Variants in ZNF333 observed in about 807,000 individuals in gnomAD.
ZNF333 encodes zinc finger protein 333.
A neutral mutation model predicts 76.1 loss-of-function variants in ZNF333; 61 were observed. The ratio of observed to expected loss-of-function variants is 0.80; its 90% CI spans 0.65 to 0.99. The LOEUF (loss-of-function observed/expected upper bound fraction) is 0.99, where lower values mean the gene tolerates loss of function less well. Ranked by LOEUF, ZNF333 falls within the 50% of genes least tolerant of loss-of-function variation. The probability of loss-of-function intolerance (pLI) is 0.00; values close to 1 mark genes in which losing one functional copy is unlikely to be tolerated. For synonymous variants in ZNF333, 284 were observed against 305.0 expected (o/e 0.93, Z 0.72); for missense variants, 717 against 822.4 (o/e 0.87, Z 1.57).
At chr19:14,716,935 C>T in intron 9 of ZNF333, 59 bp from the exon 10 acceptor site, 2 of 1,487,642 alleles carry the variant, frequency 1.3e-6, no homozygotes, top group South Asian at 1.2e-5. Context: ...AGAATATCGG[C>T]CCTGGTGTCA....
In ZNF333 at chr19:14,711,764, G is replaced by T. The variant is rs566557778; in HGVS notation, c.512-3618G>T. The stretch of plus-strand genomic sequence containing the variant: ...ATGGAGCATTTTTGTGCCAAGTAAG[G>T]TATCGGGGACAGGATGGTGAAAGGC... On this transcript the variant is annotated intron_variant, in intron 7 of 11. Coordinates refer to ENST00000292530, the MANE Select transcript of ZNF333 (RefSeq NM_032433.4). 2.0e-5 allele frequency among the ~76,000 whole-genome samples: 3 copies of T among 152,272 alleles called. No individual in the cohort carries two copies. In the East Asian group the frequency reaches 5.8e-4, roughly 29 times the overall value.
At chr19:14,690,932 A>G (rs1290751885) in intron 1 of ZNF333, among the ~76,000 whole-genome samples, 1 of 152,134 alleles carries the variant, frequency 6.6e-6, no homozygotes, top group East Asian at 1.9e-4. Context: ...GTCTTTACTA[A>G]AAATACACAA....
At chr19:14,726,892 A>G (rs1372650586), downstream of ZNF333, among the ~76,000 whole-genome samples, 2 of 152,130 alleles carry the variant, frequency 1.3e-5, no homozygotes, top group Non-Finnish European at 2.9e-5. Context: ...TGAGCCCTCC[A>G]AACTCTTCCA....
intron 4 of ZNF333, among the ~76,000 whole-genome samples, chr19:14,698,863 A>G (rs28678246): frequency 7.6e-6 from 1 of 131,580 alleles, no homozygotes; most frequent in Non-Finnish European, 1.6e-5. Context: ...AACAAAAAAC[A>G]AAAAACATGT....
intron 2 of ZNF333, among the ~76,000 whole-genome samples, chr19:14,694,315 A>G (rs979020953): frequency 1.3e-5 from 2 of 152,074 alleles, no homozygotes; most frequent in Non-Finnish European, 2.9e-5. Context: ...TCTACTAAAA[A>G]TACAAAAAGT....
intron 7 of ZNF333, among the ~76,000 whole-genome samples, chr19:14,713,936 G>A (rs2042349467): frequency 1.3e-5 from 2 of 152,034 alleles, no homozygotes; most frequent in South Asian, 4.2e-4. Context: ...ACTCCAGCCT[G>A]GGTGACAGAG....
In ZNF333 at chr19:14,694,998, G is replaced by C; in HGVS notation, c.4-12G>C. 2 of 1,614,170 alleles carry C rather than the reference G, an allele frequency of 1.2e-6. No homozygotes were observed. Among genetic ancestry groups the C allele is most frequent in the East Asian group, 2.2e-5 (1 of 44,890 alleles). ...TGGTATTTGCCGAGCCAGAATGTGT[G>C]TGCTGTTTTAGGAATCCGTCACCTT... is the stretch of plus-strand genomic sequence containing the variant. On this transcript the variant is annotated splice_polypyrimidine_tract_variant and intron_variant, in intron 2 of 11. Transcript: ENST00000292530.
intron 5 of ZNF333, among the ~76,000 whole-genome samples, chr19:14,702,976 G>A (rs55758955): frequency 0.08 from 12,169 of 151,592 alleles, 723 homozygotes; most frequent in African/African-American, 0.17. Flanking sequence ...AGGCCGAGGC[G>A]GGCGGATCAT....
At chr19:14,705,289 GC>G in intron 6 of ZNF333, 119 bp downstream of exon 6, 1 of 843,932 alleles carries the variant, frequency 1.2e-6, no homozygotes, top group Non-Finnish European at 1.8e-6. Flanking sequence ...CCTGTAGGAG[GC>G]CCAGGCTGTG....
downstream of ZNF333, among the ~76,000 whole-genome samples, chr19:14,724,031 T>C (rs550432882): frequency 1.3e-5 from 2 of 152,284 alleles, no homozygotes; most frequent in African/African-American, 4.8e-5. Context: ...TGCTATGCTC[T>C]TGCCTATCTC....
At chr19:14,708,883 T>A (rs1176906513) in intron 7 of ZNF333, 1 of 152,396 alleles carries the variant, frequency 6.6e-6, no homozygotes, top group Non-Finnish European at 1.5e-5. Context: ...TCATCTTCCC[T>A]CTGTCCATGT....
Position 14,715,393 on chromosome 19 carries a change from C to T in ZNF333, c.523C>T (p.Arg175Cys), listed in dbSNP as rs181915644. 1.4e-4 allele frequency: 231 copies of T among 1,613,952 alleles called. 1 individual carries two copies. In the East Asian group the frequency reaches 3.6e-3, roughly 25 times the overall value. The change falls in exon 8 of 12, where the codon CGT becomes TGT. Residue 175 changes from arginine to cysteine, a missense_variant. Physicochemically the swap from Arg to Cys is radical, Grantham distance 180. Coordinates refer to ENST00000292530, the MANE Select transcript of ZNF333 (RefSeq NM_032433.4). ...CCCTTCTCCCCTAGCTGTGCCTGCA[C>T]GTGACCCTGCCTGGCTTCAGGAGGA... Reference protein sequence around the residue: ...WVARDSAVPARDPAWLQEDKV... With the variant: ...WVARDSAVPACDPAWLQEDKV...
intron 10 of ZNF333, 144 bp downstream of exon 10, chr19:14,717,233 T>G: frequency 1.6e-6 from 1 of 616,320 alleles, no homozygotes; most frequent in Non-Finnish European, 2.8e-6. Context: ...TGCCACCTTC[T>G]TTCCTTTTTC....
chr19:14,703,806 C>A (rs1012492612), intron 5 of ZNF333, among the ~76,000 whole-genome samples: 1 of 152,114 alleles, frequency 6.6e-6, no homozygotes, highest in African/African-American at 2.4e-5. Flanking sequence ...AGATAAGGAG[C>A]TGGTACGGCA....
chr19:14,716,387 T>C, intron 9 of ZNF333, 149 bp downstream of exon 9: 4 of 863,770 alleles, frequency 4.6e-6, no homozygotes, highest in Non-Finnish European at 6.9e-6. Flanking sequence ...GCCTCCCGAG[T>C]AGCTGGGACC....
intron 6 of ZNF333, chr19:14,706,287 C>G (rs1344820765): frequency 2.5e-6 from 1 of 399,914 alleles, no homozygotes; most frequent in Non-Finnish European, 5.0e-6. Context: ...CATCCTACTC[C>G]AAGGAGAGGT....
At chr19:14,722,042 G>A (rs1456102920), downstream of ZNF333, 11 of 152,190 alleles carry the variant, frequency 7.2e-5, no homozygotes, top group Admixed American at 6.5e-4. Flanking sequence ...ACCTCAATTT[G>A]TACATCAATG....
chr19:14,694,988 C>T, intron 2 of ZNF333, 22 bp from the exon 3 acceptor site: 4 of 1,613,994 alleles, frequency 2.5e-6, no homozygotes, highest in Non-Finnish European at 3.4e-6. Context: ...TTTGCCGAGC[C>T]AGAATGTGTG....
At chr19:14,692,824 C>CTTTTTTTTTTTTTTTTTTTTTTT (rs112233179) in intron 1 of ZNF333, among the ~76,000 whole-genome samples, 1 of 144,078 alleles carries the variant, frequency 6.9e-6, no homozygotes. Context: ...GGACCTTATT[C>CTTTTTTTTTTTTTTTTTTTTTTT]TTTTTTTTTT....
Sources: gnomAD v4.1 joint callset for allele counts (sites outside exome capture counted in the v4.1 genomes callset) on GRCh38, gnomAD v4.1.1 for gene constraint, MANE v1.5 for transcripts, NCBI Gene and HGNC (gene_info 2026-07-23, HGNC 2026-07-21) for gene names.